The following UNC13C variants were observed in gnomAD, a reference collection of about 807,000 sequenced individuals.
UNC13C encodes the protein protein unc-13 homolog C.
A neutral mutation model predicts 245.4 loss-of-function variants in UNC13C; 174 were observed. The ratio of observed to expected loss-of-function variants is 0.71; its 90% confidence interval spans 0.63 to 0.80. The LOEUF (loss-of-function observed/expected upper bound fraction) is 0.80, where lower values mean the gene tolerates loss of function less well. UNC13C is among the 30% of genes least tolerant of loss of function. UNC13C has a pLI of 0.00. For missense variants in UNC13C, 2,829 were observed against 2,602.9 expected, an observed-to-expected ratio of 1.09 and a Z score of -1.89; for synonymous variants, 992 against 895.1, an observed-to-expected ratio of 1.11 and a Z score of -1.93.
At chr15:54,297,636 G>C (rs534327362) in intron 11 of UNC13C, among the ~76,000 whole-genome samples, 175 bp from the exon 12 acceptor site, 2 of 152,292 alleles carry the variant, frequency 1.3e-5, no homozygotes, top group African/African-American at 4.8e-5. Flanking sequence ...TTATAGGCAA[G>C]AGCTACCACA....
the UNC13C span, among the ~76,000 whole-genome samples, chr15:53,949,715 G>A: frequency 6.6e-6 from 1 of 152,262 alleles, no homozygotes; most frequent in African/African-American, 2.4e-5. Flanking sequence ...TACCTGATGG[G>A]CTTGCAAAAA....
the UNC13C span, among the ~76,000 whole-genome samples, chr15:53,860,376 G>A: frequency 3.9e-5 from 6 of 152,068 alleles, no homozygotes; most frequent in Admixed American, 6.6e-5. Flanking sequence ...ACTCACAATC[G>A]AAGGGACCAG....
chr15:54,194,722 C>T (rs2034295875), intron 4 of UNC13C, among the ~76,000 whole-genome samples: 1 of 152,010 alleles, frequency 6.6e-6, no homozygotes, highest in Non-Finnish European at 1.5e-5. Context: ...GGGGATACCA[C>T]TAGGAGTATA....
At chr15:54,429,631 T>C (rs957643237) in intron 19 of UNC13C, among the ~76,000 whole-genome samples, 1 of 151,718 alleles carries the variant, frequency 6.6e-6, no homozygotes, top group Non-Finnish European at 1.5e-5. Context: ...ATTTATTCAC[T>C]TGTAATTTTA....
chr15:54,567,182 T>A (rs1897551955), intron 29 of UNC13C, among the ~76,000 whole-genome samples: 2 of 150,862 alleles, frequency 1.3e-5, no homozygotes, highest in African/African-American at 4.9e-5. Flanking sequence ...TTATAAATAT[T>A]GGAAAATTTT....
the UNC13C span, among the ~76,000 whole-genome samples, chr15:53,853,375 C>T: frequency 4.6e-5 from 7 of 152,286 alleles, no homozygotes; most frequent in Non-Finnish European, 8.8e-5. Flanking sequence ...GATGTATATG[C>T]ACCACATTTT....
At chr15:53,926,969 A>G in the UNC13C span, among the ~76,000 whole-genome samples, 3 of 152,150 alleles carry the variant, frequency 2.0e-5, no homozygotes, top group Non-Finnish European at 2.9e-5. Flanking sequence ...GTGAGTAAGC[A>G]TTTTCCTCCA....
At chr15:54,423,437 C>T (rs981653583) in intron 19 of UNC13C, among the ~76,000 whole-genome samples, 1 of 151,664 alleles carries the variant, frequency 6.6e-6, no homozygotes, top group African/African-American at 2.4e-5. Flanking sequence ...TAGATAATTT[C>T]CCCAGCAATA....
At chr15:54,261,840 G>A (rs1159699785) in intron 8 of UNC13C, among the ~76,000 whole-genome samples, 1 of 152,116 alleles carries the variant, frequency 6.6e-6, no homozygotes, top group African/African-American at 2.4e-5. Context: ...ACCGCGCCCG[G>A]CCATAAGTAG....
chr15:53,874,437 C>T, the UNC13C span, among the ~76,000 whole-genome samples: 2 of 152,154 alleles, frequency 1.3e-5, no homozygotes, highest in African/African-American at 4.8e-5. Context: ...CTTCTATCCC[C>T]AAGGTGTTTA....
intron 10 of UNC13C, among the ~76,000 whole-genome samples, chr15:54,288,689 G>A (rs761342198): frequency 2.2e-4 from 33 of 152,070 alleles, no homozygotes; most frequent in Admixed American, 2.0e-4. Context: ...TACTTATAGC[G>A]TCTGCCACCA....
At chr15:54,152,460 T>C (rs1327558931) in intron 4 of UNC13C, among the ~76,000 whole-genome samples, 1 of 152,218 alleles carries the variant, frequency 6.6e-6, no homozygotes, top group African/African-American at 2.4e-5. Flanking sequence ...TTCTTAATCT[T>C]GACCCCTAAG....
chr15:54,037,277 A>G (rs935351776), intron 2 of UNC13C, among the ~76,000 whole-genome samples: 3 of 152,208 alleles, frequency 2.0e-5, no homozygotes, highest in Non-Finnish European at 4.4e-5. Context: ...GATGTGGTTT[A>G]AAGTAGGTGC....
chr15:54,215,988 C>T (rs116339916), intron 4 of UNC13C, among the ~76,000 whole-genome samples: 3 of 151,840 alleles, frequency 2.0e-5, no homozygotes, highest in African/African-American at 7.2e-5. Flanking sequence ...ATTAGAAAGT[C>T]AACAAAAAGA....
At chr15:53,967,221 T>C in the UNC13C span, among the ~76,000 whole-genome samples, 1 of 152,142 alleles carries the variant, frequency 6.6e-6, no homozygotes, top group Non-Finnish European at 1.5e-5. Context: ...GATATCATTA[T>C]GCTTCATATA....
intron 19 of UNC13C, among the ~76,000 whole-genome samples, chr15:54,487,625 G>C (rs986258198): frequency 2.6e-5 from 4 of 151,916 alleles, no homozygotes; most frequent in African/African-American, 4.8e-5. Flanking sequence ...AAGTTAGCCA[G>C]GTGTAGTGAC....
the UNC13C span, among the ~76,000 whole-genome samples, chr15:53,966,652 T>A: frequency 2.0e-5 from 3 of 151,396 alleles, no homozygotes; most frequent in Non-Finnish European, 4.4e-5. Flanking sequence ...TGACTTAATC[T>A]TTTTTTTTGT....
Position 54,494,730 on chromosome 15 carries a change from T to G in UNC13C, c.5056T>G (p.Ser1686Ala), listed in dbSNP as rs772064244. 1.9e-6 allele frequency: 3 copies of G among 1,609,988 alleles called. No homozygotes were observed. In the East Asian group the frequency reaches 6.7e-5, roughly 36 times the overall value. The change falls in exon 20 of 33, where the codon TCC becomes GCC. Residue 1686 changes from serine (S) to alanine (A), a missense_variant. Transcript: ENST00000260323. The stretch of plus-strand genomic sequence containing the variant: ...CTTCAAGGATGCTGTTCCTGAATAC[T>G]CCTTGTAAGTAGTGATTTTAACACA... The part of the protein sequence containing the change: ...PAFKDAVPEY[S>A]LWFEPFVMQW...
chr15:54,296,836 G>A (rs999033293), intron 11 of UNC13C, among the ~76,000 whole-genome samples: 2 of 152,122 alleles, frequency 1.3e-5, no homozygotes, highest in Non-Finnish European at 2.9e-5. Flanking sequence ...TATCTGAAAT[G>A]GGTCTTGAAC....
Sources: gnomAD v4.1 joint callset for allele counts (sites outside exome capture counted in the v4.1 genomes callset) on GRCh38, gnomAD v4.1.1 for gene constraint, MANE v1.5 for transcripts, NCBI Gene and HGNC (gene_info 2026-07-23, HGNC 2026-07-21) for gene names.